The following CYP4F2 variants were observed in gnomAD, a reference collection of about 807,000 sequenced individuals.
CYP4F2 encodes cytochrome P450 family 4 subfamily F member 2.
A neutral mutation model predicts 58.9 loss-of-function variants in CYP4F2; 58 were observed. That is an observed-to-expected ratio of 0.98 (90% CI 0.80 to 1.23). CYP4F2 has a LOEUF of 1.23. Ranked by LOEUF, CYP4F2 falls within the 50% of genes most tolerant of loss-of-function variation. CYP4F2 has a pLI of 0.00. For missense variants in CYP4F2, 616 were observed against 685.6 expected (o/e 0.90, Z 1.13); for synonymous variants, 287 against 261.1 (o/e 1.10, Z -0.95).
rs559906426 is a variant in CYP4F2 at position 15,881,107 on chromosome 19, T to C, written c.1116-1210A>G. On this transcript the variant is annotated intron_variant, in intron 9 of 12. Coordinates refer to ENST00000221700, the MANE Select transcript of CYP4F2 (RefSeq NM_001082.5). ...GATGTTTAGATAAACAGCCACACGATGGAATACTATACAGCTACACAAAAG... is the reference window on the plus strand; with the variant it reads ...GATGTTTAGATAAACAGCCACACGACGGAATACTATACAGCTACACAAAAG... Among the ~76,000 whole-genome samples the C allele has an allele frequency of 2.0e-5, 3 of 152,264 alleles. No homozygotes were observed. In the South Asian group the frequency reaches 6.2e-4, roughly 32 times the overall value.
In CYP4F2 at chr19:15,886,032, C is replaced by G. The variant is rs1465947495; in HGVS notation, c.1007G>C (p.Gly336Ala). 6.2e-7 allele frequency: 1 copy of G among 1,613,988 alleles called. No homozygotes were observed. The highest frequency in any genetic ancestry group is 2.2e-5 in the East Asian group (1 of 44,852). ...AAGGTGGTACAGGACCCAGGAGAGA[C>G]CACTGGCCGTGGTGTCATGGCCTGG... ...MFEGHDTTASGLSWVLYHLAK... is the reference protein window; with the variant it reads ...MFEGHDTTASALSWVLYHLAK... Residue 336 changes from glycine (G) to alanine (A), a missense_variant, in exon 9 of 13, where the codon GGT becomes GCT. Coordinates refer to ENST00000221700, the MANE Select transcript of CYP4F2 (RefSeq NM_001082.5).
chr19:15,897,195 G>C (rs1434275095), intron 2 of CYP4F2, among the ~76,000 whole-genome samples: 1 of 152,154 alleles, frequency 6.6e-6, no homozygotes, highest in East Asian at 1.9e-4. Context: ...GGCAGGAAAA[G>C]GATTCAATGC....
At chr19:15,895,791 T>C in intron 2 of CYP4F2, 141 bp from the exon 3 acceptor site, 2 of 1,050,326 alleles carry the variant, frequency 1.9e-6, no homozygotes, top group Non-Finnish European at 2.6e-6. Flanking sequence ...ATCTAATTTT[T>C]CTATCTATAT....
chr19:15,895,818 A>T (rs1355459882), intron 2 of CYP4F2, among the ~76,000 whole-genome samples, 168 bp from the exon 3 acceptor site: 1 of 152,036 alleles, frequency 6.6e-6, no homozygotes, highest in Admixed American at 6.6e-5. Flanking sequence ...CTGCCTACCC[A>T]TCTATCCATC....
Position 15,882,008 on chromosome 19 carries a change from G to T in CYP4F2, c.1116-2111C>A, listed in dbSNP as rs78906091. ...GCCTGTAATCCCAGCACTTTGGGAG[G>T]CCAAGGGCGGCAGATCACAAGGTCA... On this transcript the variant is annotated intron_variant, in intron 9 of 12. Transcript: ENST00000221700. Among the ~76,000 whole-genome samples, 83 of 152,216 alleles carry T rather than the reference G, an allele frequency of 5.5e-4. No individual in the cohort carries two copies. In the East Asian group the frequency reaches 0.014, roughly 25 times the overall value.
chr19:15,886,338 C>T (rs1415303420), intron 7 of CYP4F2, 30 bp from the exon 8 acceptor site: 1 of 1,600,808 alleles, frequency 6.2e-7, no homozygotes, highest in Admixed American at 1.7e-5. Flanking sequence ...CCCCCCCAAC[C>T]CCCACCCCCA....
Position 15,898,036 on chromosome 19 carries a change from G to A in CYP4F2, c.-12C>T, listed in dbSNP as rs1448805305. ...CCCCCAGCCTGGCACCTTCTGTCAG[G>A]AGCAGTCTGTCCCAGACAACCTCCT... On this transcript the variant is annotated 5_prime_UTR_variant, in exon 1 of 13. Transcript: ENST00000221700. 4.0e-5 allele frequency: 9 copies of A among 225,518 alleles called. No homozygotes were observed. The highest frequency in any genetic ancestry group is 1.8e-4 in the Admixed American group (3 of 16,728). The allele number at this position is 225,518 out of a possible 1,614,324, so 14.0% of individuals were successfully genotyped here.
intron 5 of CYP4F2, 60 bp downstream of exon 5, chr19:15,892,249 T>A (rs2089420256): frequency 6.2e-7 from 1 of 1,608,436 alleles, no homozygotes. Flanking sequence ...CCAGACTAGA[T>A]CTCTCTGTTG....
In CYP4F2 at chr19:15,878,689, C is replaced by A; in HGVS notation, c.*82G>T. On this transcript the variant is annotated 3_prime_UTR_variant, in exon 13 of 13. Transcript: ENST00000221700. ...TAGGATGGAATACAGGACTGTGGAA[C>A]AGGGTCTTAGGGTAATTCTAGGCTT... The A allele has an allele frequency of 9.0e-6, 14 of 1,556,852 alleles. No homozygotes were observed. In the South Asian group the frequency reaches 1.4e-4, roughly 16 times the overall value.
chr19:15,880,824 A>T (rs1456884939), intron 9 of CYP4F2, among the ~76,000 whole-genome samples: 1 of 152,250 alleles, frequency 6.6e-6, no homozygotes, highest in Non-Finnish European at 1.5e-5. Flanking sequence ...AGATTTTAAA[A>T]TTTAATAATA....
At chr19:15,885,865 C>T in intron 9 of CYP4F2, 59 bp downstream of exon 9, 1 of 1,575,270 alleles carries the variant, frequency 6.3e-7, no homozygotes, top group East Asian at 2.3e-5. Context: ...CCCCTCCCCA[C>T]CTGGGGAGCA....
At position 15,890,298 on chromosome 19, in the gene CYP4F2, G is replaced by T; in HGVS notation, c.647+14C>A. On this transcript the variant is annotated intron_variant, in intron 6 of 12. Transcript: ENST00000221700. The stretch of plus-strand genomic sequence containing the variant: ...TCCACAGCCCAAGATCCCAGATCCT[G>T]GGCAAGAACTTACTCCTGACAATGG... The T allele has an allele frequency of 6.2e-7, 1 of 1,613,890 alleles. No homozygotes were observed. Among genetic ancestry groups the T allele is most frequent in the South Asian group, 1.1e-5 (1 of 91,082 alleles).
chr19:15,886,646 T>G (rs1439824622), intron 7 of CYP4F2: 2 of 344,258 alleles, frequency 5.8e-6, no homozygotes, highest in Non-Finnish European at 1.1e-5. Flanking sequence ...AGAGATTAAG[T>G]ATTGCTTCAA....
In CYP4F2 at chr19:15,885,822, A is replaced by T. The variant is rs772826446; in HGVS notation, c.1115+102T>A. The T allele has an allele frequency of 3.6e-4, 538 of 1,494,246 alleles. 1 individual carries two copies. Among genetic ancestry groups the T allele is most frequent in the Middle Eastern group, 6.3e-4 (3 of 4,780 alleles). The allele number at this position is 1,494,246 out of a possible 1,614,324, so 92.6% of individuals were successfully genotyped here. On this transcript the variant is annotated intron_variant, in intron 9 of 12. Coordinates refer to ENST00000221700, the MANE Select transcript of CYP4F2 (RefSeq NM_001082.5). ...CCTCTGCTCCTATTCCCACTAGGCA[A>T]TAGTGGCAGAATCAACAAAAACAGC... is the stretch of plus-strand genomic sequence containing the variant.
chr19:15,897,618 G>A lies in CYP4F2; in HGVS notation c.-1-6C>T. On this transcript the variant is annotated splice_region_variant and splice_polypyrimidine_tract_variant and intron_variant, in intron 1 of 12. Coordinates refer to ENST00000221700, the MANE Select transcript of CYP4F2 (RefSeq NM_001082.5). ...ACAGGCTCAGCTGGGACATCCTGCA[G>A]GGCAGACGGGATGGACGGTGAGATC... is the stretch of plus-strand genomic sequence containing the variant. 6.2e-7 allele frequency: 1 copy of A among 1,613,270 alleles called. No homozygotes were observed. The highest frequency in any genetic ancestry group is 8.5e-7 in the Non-Finnish European group (1 of 1,179,838).
intron 9 of CYP4F2, among the ~76,000 whole-genome samples, chr19:15,880,500 C>T (rs954376746): frequency 6.6e-6 from 1 of 151,854 alleles, no homozygotes; most frequent in African/African-American, 2.4e-5. Context: ...TGGTGGAGGG[C>T]ACCTGTAGTC....
At chr19:15,893,575 T>C (rs1308859554) in intron 3 of CYP4F2, among the ~76,000 whole-genome samples, 1 of 152,114 alleles carries the variant, frequency 6.6e-6, no homozygotes, top group Non-Finnish European at 1.5e-5. Flanking sequence ...GCCCCAGACA[T>C]GAGCAAACAG....
intron 3 of CYP4F2, among the ~76,000 whole-genome samples, chr19:15,894,116 C>A (rs954852958): frequency 4.6e-5 from 7 of 152,202 alleles, no homozygotes; most frequent in Admixed American, 4.6e-4. Flanking sequence ...GTTCCCTGGG[C>A]TCTCATTCAT....
intron 6 of CYP4F2, among the ~76,000 whole-genome samples, chr19:15,889,980 G>C (rs544393148): frequency 6.6e-6 from 1 of 151,966 alleles, no homozygotes; most frequent in Non-Finnish European, 1.5e-5. Flanking sequence ...GTCCTGACCC[G>C]TCTCCTTGAA....
Sources: allele counts gnomAD v4.1 joint callset (sites outside exome capture counted in the v4.1 genomes callset), GRCh38; gene constraint gnomAD v4.1.1; transcripts MANE v1.5; gene names NCBI Gene and HGNC (gene_info 2026-07-23, HGNC 2026-07-21).